The following ATAD2 variants were observed in gnomAD, a reference collection of about 807,000 sequenced individuals.
The protein encoded by ATAD2 is ATPase family AAA domain containing 2, also known as ATPase family AAA domain-containing protein 2.
ATAD2 carries 62 observed loss-of-function variants against 168.9 expected under a neutral mutation model. That is an observed-to-expected ratio of 0.37 (90% confidence interval 0.30 to 0.45). The LOEUF (loss-of-function observed/expected upper bound fraction) is 0.45, where lower values mean the gene tolerates loss of function less well. ATAD2 is among the 20% of genes least tolerant of loss of function. The pLI, the probability that ATAD2 is intolerant of heterozygous loss-of-function variation, is 1.00. For synonymous variants in ATAD2, 613 were observed against 571.6 expected (o/e 1.07, Z -1.03); for missense variants, 1,419 against 1,667.8 (o/e 0.85, Z 2.60).
At chr8:123,359,141 T>A (rs1828735166) in intron 11 of ATAD2, 80 bp downstream of exon 11, 2 of 967,054 alleles carry the variant, frequency 2.1e-6, no homozygotes, top group South Asian at 3.6e-5. Context: ...TAAAAATGGG[T>A]TAATAAGCAA....
intron 13 of ATAD2, among the ~76,000 whole-genome samples, chr8:123,354,451 A>C (rs1218458123): frequency 6.6e-6 from 1 of 152,102 alleles, no homozygotes; most frequent in Non-Finnish European, 1.5e-5. Flanking sequence ...CATGCCTGTA[A>C]TCCCAGCACT....
Position 123,369,356 on chromosome 8 carries a change from C to A in ATAD2, c.932-181G>T, listed in dbSNP as rs924458344. The A allele has an allele frequency of 3.1e-5, 7 of 222,528 alleles. No homozygotes were observed. In the East Asian group the frequency reaches 7.5e-4, roughly 24 times the overall value. 13.8% of individuals were successfully genotyped at this position (222,528 alleles called of 1,614,324 possible). On this transcript the variant is annotated intron_variant, in intron 7 of 27. Transcript: ENST00000287394. ...TGTTCATATTTTAAGTCATTTATGTCCAGAGGGTTGCAGCTGATAACATGT... is the reference window on the plus strand; with the variant it reads ...TGTTCATATTTTAAGTCATTTATGTACAGAGGGTTGCAGCTGATAACATGT...
intron 8 of ATAD2, among the ~76,000 whole-genome samples, chr8:123,366,259 C>A (rs951513901): frequency 2.0e-5 from 3 of 151,984 alleles, no homozygotes; most frequent in African/African-American, 4.8e-5. Context: ...ATCAAAAAAT[C>A]AAAAAATAAT....
intron 26 of ATAD2, among the ~76,000 whole-genome samples, 159 bp from the exon 27 acceptor site, chr8:123,323,225 A>G (rs1038540820): frequency 1.3e-5 from 2 of 152,198 alleles, no homozygotes; most frequent in Non-Finnish European, 2.9e-5. Flanking sequence ...TGACATTTAA[A>G]TGTACTTAAG....
chr8:123,346,697 G>C lies in ATAD2; in HGVS notation c.2266C>G (p.Pro756Ala). 1 of 1,596,348 alleles carries C rather than the reference G, an allele frequency of 6.3e-7. No homozygotes were observed. Among genetic ancestry groups the C allele is most frequent in the Non-Finnish European group, 8.5e-7 (1 of 1,172,292 alleles). The change falls in exon 17 of 28, where the codon CCA becomes GCA. Residue 756 changes from proline to alanine, a missense_variant. Transcript: ENST00000287394. The part of the protein sequence containing the change: ...SDLAYSDDDV[P>A]SVYENGLSQK... ...GAAAGTCCATTTTCATAAACTGATG[G>C]AACATCATCATCACTGTAAGCCAAG...
chr8:123,358,684 C>A (rs988498900), intron 11 of ATAD2, among the ~76,000 whole-genome samples: 4 of 149,398 alleles, frequency 2.7e-5, no homozygotes, highest in African/African-American at 4.9e-5. Context: ...TAATTTAAAA[C>A]CCACCAGTGT....
At chr8:123,400,477 C>A, upstream of ATAD2, 6 of 371,536 alleles carry the variant, frequency 1.6e-5, no homozygotes, top group Non-Finnish European at 2.6e-5. The surrounding 1 kb of genome is among the most constrained non-coding windows in gnomAD (Gnocchi z 4.5). Context: ...CCAAACCATT[C>A]GGGGGAACAT....
intron 14 of ATAD2, among the ~76,000 whole-genome samples, chr8:123,348,619 G>A (rs59149005): frequency 0.021 from 3,177 of 152,280 alleles, 288 homozygotes; most frequent in Admixed American, 0.16. Flanking sequence ...GGAAGTTGCA[G>A]TGAGCTGAGA....
rs374506216 is a variant in ATAD2 at position 123,359,351 on chromosome 8, G to A, written c.1267-15C>T. On this transcript the variant is annotated splice_polypyrimidine_tract_variant and intron_variant, in intron 10 of 27. Coordinates refer to ENST00000287394, the MANE Select transcript of ATAD2 (RefSeq NM_014109.4). ...TCAAATCGTACCTGGTAATGGAAGCGAACATGTACATTTTTAGATTTGGAG... is the reference window on the plus strand; with the variant it reads ...TCAAATCGTACCTGGTAATGGAAGCAAACATGTACATTTTTAGATTTGGAG... 475 of 1,550,056 alleles carry A rather than the reference G, an allele frequency of 3.1e-4. No individual in the cohort carries two copies. The highest frequency in any genetic ancestry group is 3.6e-4 in the Non-Finnish European group (409 of 1,133,144).
chr8:123,389,986 T>TATATATATATATATATATATATATATA (rs58743148), intron 1 of ATAD2, among the ~76,000 whole-genome samples: 16 of 67,638 alleles, frequency 2.4e-4, no homozygotes, highest in Non-Finnish European at 3.5e-4. Flanking sequence ...ATATATATAT[T>TATATATATATATATATATATATATATA]TTTTTTTTTT....
chr8:123,346,322 T>G, intron 17 of ATAD2, 50 bp from the exon 18 acceptor site: 1 of 1,465,646 alleles, frequency 6.8e-7, no homozygotes, highest in Non-Finnish European at 9.1e-7. Flanking sequence ...ACAGTTTAAA[T>G]TTTCCCCCTA....
In ATAD2 at chr8:123,371,662, T is replaced by C. The variant is rs922312857; in HGVS notation, c.536+8A>G. 3.6e-5 allele frequency: 57 copies of C among 1,589,736 alleles called. No homozygotes were observed. Among genetic ancestry groups the C allele is most frequent in the Non-Finnish European group, 4.7e-5 (55 of 1,172,354 alleles). ...TAAATCATCTTGATCTAAGGAATTT[T>C]TACTTACTTAGTTATAAGTTTGTCA... On this transcript the variant is annotated splice_region_variant and intron_variant, in intron 4 of 27. Transcript: ENST00000287394.
upstream of ATAD2, among the ~76,000 whole-genome samples, chr8:123,397,510 GACTACTTTGAAATAGGTA>G (rs540574340): frequency 1.8e-3 from 277 of 152,272 alleles, 2 homozygotes; most frequent in East Asian, 3.7e-3. Context: ...GCAGTTACTT[GACTACTTTGAAATAGGTA>G]ACACGCTGAA....
intron 1 of ATAD2, among the ~76,000 whole-genome samples, chr8:123,406,543 G>A (rs1180179779): frequency 2.0e-5 from 3 of 151,596 alleles, no homozygotes; most frequent in Admixed American, 6.6e-5. Context: ...CACTGGAGCC[G>A]GGTGTGGTGG....
chr8:123,345,962 C>T, intron 18 of ATAD2, 124 bp downstream of exon 18: 1 of 731,494 alleles, frequency 1.4e-6, no homozygotes, highest in Non-Finnish European at 2.1e-6. Flanking sequence ...ATGCATAACT[C>T]TGTTTTGTAA....
chr8:123,364,912 G>C (rs908632466), intron 8 of ATAD2, among the ~76,000 whole-genome samples: 1 of 152,066 alleles, frequency 6.6e-6, no homozygotes, highest in African/African-American at 2.4e-5. Flanking sequence ...CATAGTACTG[G>C]AAGTCCTAGC....
At chr8:123,349,591 A>G in intron 13 of ATAD2, 147 bp from the exon 14 acceptor site, 1 of 742,224 alleles carries the variant, frequency 1.3e-6, no homozygotes, top group Middle Eastern at 3.8e-4. Context: ...GATTAAAAAA[A>G]TCTATAAAAT....
chr8:123,337,507 T>C (rs1827951784), intron 21 of ATAD2, 118 bp downstream of exon 21: 1 of 961,424 alleles, frequency 1.0e-6, no homozygotes, highest in Non-Finnish European at 1.5e-6. Context: ...CGGTACATGT[T>C]TCCAAATAGA....
chr8:123,410,278 ATAT>A (rs78546334), intron 1 of ATAD2, among the ~76,000 whole-genome samples: 26 of 130,272 alleles, frequency 2.0e-4, no homozygotes, highest in Middle Eastern at 3.9e-3. Context: ...TTGTAGGATC[ATAT>A]TATTTATTTA....
Sources: gnomAD v4.1 joint callset for allele counts (sites outside exome capture counted in the v4.1 genomes callset) on GRCh38, gnomAD v4.1.1 for gene constraint, Gnocchi (gnomAD v3.1) non-coding constraint, MANE v1.5 for transcripts, NCBI Gene and HGNC (gene_info 2026-07-23, HGNC 2026-07-21) for gene names.